HIVEP2: variants seen among roughly 807,000 people sequenced by gnomAD.
HIVEP2 encodes transcription factor HIVEP2.
Under a neutral mutation model 180.7 loss-of-function variants are expected in HIVEP2, and 14 were observed. That is an observed-to-expected ratio of 0.08 (90% CI 0.05 to 0.12). The LOEUF is 0.12. Ranked by LOEUF, HIVEP2 falls within the 10% of genes least tolerant of loss-of-function variation. The pLI, the probability that HIVEP2 is intolerant of heterozygous loss-of-function variation, is 1.00. For missense variants in HIVEP2, 2,579 were observed against 3,008.5 expected (o/e 0.86, Z 3.34); for synonymous variants, 1,184 against 1,136.4 (o/e 1.04, Z -0.84).
At chr6:142,830,913 C>A (rs1263903115) in intron 2 of HIVEP2, among the ~76,000 whole-genome samples, 2 of 152,220 alleles carry the variant, frequency 1.3e-5, no homozygotes, top group East Asian at 3.9e-4. Context: ...TGGTGTCCTG[C>A]ATACTTTCCT....
chr6:142,935,224 TAAAATC>T (rs1778023768), intron 1 of HIVEP2, among the ~76,000 whole-genome samples: 2 of 152,242 alleles, frequency 1.3e-5, no homozygotes, highest in Middle Eastern at 3.4e-3. Context: ...TGGGGAACAT[TAAAATC>T]AAATGTGCCA....
chr6:142,890,868 A>T (rs1228931550), intron 1 of HIVEP2, among the ~76,000 whole-genome samples: 2 of 152,196 alleles, frequency 1.3e-5, no homozygotes, highest in Non-Finnish European at 1.5e-5. Context: ...AAATGTCTAG[A>T]GGGAAAGATC....
intron 1 of HIVEP2, among the ~76,000 whole-genome samples, chr6:142,894,361 C>T (rs992994551): frequency 6.6e-6 from 1 of 152,188 alleles, no homozygotes; most frequent in East Asian, 1.9e-4. Flanking sequence ...TAGCATAATA[C>T]CTACTCAAGA....
intron 2 of HIVEP2, among the ~76,000 whole-genome samples, chr6:142,813,105 T>C (rs575172448): frequency 6.6e-6 from 1 of 152,278 alleles, no homozygotes; most frequent in African/African-American, 2.4e-5. Context: ...TTATAATATT[T>C]AATATAATTA....
chr6:142,936,891 C>A (rs1778072389), intron 1 of HIVEP2, among the ~76,000 whole-genome samples: 1 of 151,366 alleles, frequency 6.6e-6, no homozygotes, highest in African/African-American at 2.4e-5. Flanking sequence ...ACAGCCCTTT[C>A]CCAGAGCAGG....
intron 2 of HIVEP2, chr6:142,793,954 A>T (rs1266820516): frequency 1.3e-5 from 2 of 152,132 alleles, no homozygotes; most frequent in East Asian, 3.9e-4. Flanking sequence ...GGTGTGAGCC[A>T]CTGTGACTAG....
intron 2 of HIVEP2, among the ~76,000 whole-genome samples, chr6:142,785,167 G>A (rs1157985759): frequency 1.3e-5 from 2 of 151,882 alleles, no homozygotes; most frequent in African/African-American, 2.4e-5. Context: ...GGGATTACAG[G>A]CGTGAGCCAC....
intron 1 of HIVEP2, among the ~76,000 whole-genome samples, chr6:142,878,377 C>A (rs561831651): frequency 1.3e-5 from 2 of 152,138 alleles, no homozygotes; most frequent in South Asian, 2.1e-4. Context: ...TAAATGGCAA[C>A]GAATTTATAC....
At chr6:142,814,588 G>C (rs1162151246) in intron 2 of HIVEP2, among the ~76,000 whole-genome samples, 6 of 152,150 alleles carry the variant, frequency 3.9e-5, no homozygotes, top group South Asian at 2.1e-4. Flanking sequence ...TGATGAGAAG[G>C]TGAGAAAGGA....
At chr6:142,784,243 C>T (rs190154869) in intron 2 of HIVEP2, among the ~76,000 whole-genome samples, 154 of 152,032 alleles carry the variant, frequency 1.0e-3, no homozygotes, top group Middle Eastern at 3.4e-3. Flanking sequence ...AGTTTATCTC[C>T]CAGTATAAAA....
At chr6:142,890,819 A>G (rs750345985) in intron 1 of HIVEP2, among the ~76,000 whole-genome samples, 1 of 152,214 alleles carries the variant, frequency 6.6e-6, no homozygotes, top group African/African-American at 2.4e-5. Context: ...TGTCCCATAA[A>G]TATGAAAAAC....
intron 2 of HIVEP2, among the ~76,000 whole-genome samples, chr6:142,801,995 A>G (rs1216059299): frequency 2.0e-5 from 3 of 152,156 alleles, no homozygotes; most frequent in Admixed American, 2.0e-4. Context: ...TAATCTGTAG[A>G]CTGGAGTATG....
intron 2 of HIVEP2, among the ~76,000 whole-genome samples, chr6:142,802,158 A>G (rs906179758): frequency 1.3e-5 from 2 of 152,198 alleles, no homozygotes; most frequent in African/African-American, 4.8e-5. Flanking sequence ...GAGGAATTAA[A>G]AAGCCCAAAC....
At chr6:142,879,364 C>A (rs1776524900) in intron 1 of HIVEP2, among the ~76,000 whole-genome samples, 3 of 152,128 alleles carry the variant, frequency 2.0e-5, no homozygotes, top group African/African-American at 2.4e-5. Context: ...CACTATCCAG[C>A]AGGGAGCTTT....
At chr6:142,889,999 T>C (rs1268174871) in intron 1 of HIVEP2, among the ~76,000 whole-genome samples, 1 of 152,180 alleles carries the variant, frequency 6.6e-6, no homozygotes, top group Non-Finnish European at 1.5e-5. Flanking sequence ...AGCCCTGACA[T>C]CAATGGAGCA....
chr6:142,822,287 G>A (rs1777062607), intron 2 of HIVEP2, among the ~76,000 whole-genome samples: 1 of 152,166 alleles, frequency 6.6e-6, no homozygotes, highest in South Asian at 2.1e-4. Flanking sequence ...GATTACAAAG[G>A]AAACCAATTA....
At chr6:142,860,298 A>C (rs1037267991) in intron 1 of HIVEP2, among the ~76,000 whole-genome samples, 1 of 152,094 alleles carries the variant, frequency 6.6e-6, no homozygotes, top group Non-Finnish European at 1.5e-5. Flanking sequence ...AAGAATTTAA[A>C]TAAATTATTA....
At chr6:142,935,050 A>C (rs1443434995) in intron 1 of HIVEP2, among the ~76,000 whole-genome samples, 1 of 152,228 alleles carries the variant, frequency 6.6e-6, no homozygotes, top group African/African-American at 2.4e-5. Context: ...CAGTTCAGCT[A>C]TAAGCTCCCC....
In HIVEP2 at chr6:142,879,399, G is replaced by A. The variant is rs138112671; in HGVS notation, c.-640-42352C>T. 1.2e-3 allele frequency among the ~76,000 whole-genome samples: 176 copies of A among 152,242 alleles called. 1 individual carries two copies. The East Asian group carries it at 0.016, about 14-fold the overall frequency. ...TTGAGGAAGAACATGGATGTTGAAT[G>A]TTGAGCACAGCGTCAATAATAAATT... On this transcript the variant is annotated intron_variant, in intron 1 of 9. Coordinates refer to ENST00000367603, the MANE Select transcript of HIVEP2 (RefSeq NM_006734.4).
Sources: gnomAD v4.1 joint callset for allele counts (sites outside exome capture counted in the v4.1 genomes callset) on GRCh38, gnomAD v4.1.1 for gene constraint, MANE v1.5 for transcripts, NCBI Gene and HGNC (gene_info 2026-07-23, HGNC 2026-07-21) for gene names.